SYCP2: variants seen among roughly 807,000 people sequenced by gnomAD.
SYCP2 encodes synaptonemal complex lateral element protein.
SYCP2 carries 55 observed loss-of-function variants against 211.3 expected under a neutral mutation model. That is an observed-to-expected ratio of 0.26 (90% confidence interval 0.21 to 0.33). SYCP2 has a LOEUF of 0.33. Ranked by LOEUF, SYCP2 falls within the 10% of genes least tolerant of loss-of-function variation. SYCP2 has a pLI of 1.00. For missense variants in SYCP2, 1,731 were observed against 1,752.0 expected (o/e 0.99, Z 0.21); for synonymous variants, 570 against 555.2 (o/e 1.03, Z -0.37).
intron 6 of SYCP2, 95 bp from the exon 7 acceptor site, chr20:59,919,277 GATTAC>G (rs1216310058): frequency 1.4e-6 from 1 of 728,484 alleles, no homozygotes; most frequent in Non-Finnish European, 2.3e-6. Context: ...TGAAATGACA[GATTAC>G]ATTTTAACTC....
chr20:59,868,979 C>T (rs2059401139), intron 36 of SYCP2, 54 bp from the exon 37 acceptor site: 2 of 1,303,598 alleles, frequency 1.5e-6, no homozygotes, highest in South Asian at 1.3e-5. Context: ...TTTCAATTCA[C>T]ATTTTATCAC....
At chr20:59,912,625 T>G (rs1003917709) in intron 12 of SYCP2, among the ~76,000 whole-genome samples, 1 of 152,218 alleles carries the variant, frequency 6.6e-6, no homozygotes. Flanking sequence ...TTGACAATAC[T>G]ACTCAATCTA....
At position 59,921,331 on chromosome 20, in the gene SYCP2, C is replaced by A; in HGVS notation, c.147G>T (p.Lys49Asn). Residue 49 changes from lysine to asparagine, a missense_variant, in exon 4 of 45, where the codon AAG (lysine) becomes AAT (asparagine). By Grantham distance (94) the Lys-to-Asn change is moderately conservative. This residue lies in a region of SYCP2 where 335 missense variants were observed against 378.8 expected (regional missense o/e 0.88). Transcript: ENST00000357552. ...KIKCSKQFFH[K>N]VDNLICRELN... ...TTACCCTGCATATAAGGTTGTCCAC[C>A]TTGTGGAAAAACTGTTTGCTGCATT... is the stretch of plus-strand genomic sequence containing the variant. 1 of 1,605,012 alleles carries A rather than the reference C, an allele frequency of 6.2e-7. No homozygotes were observed. The highest frequency in any genetic ancestry group is 8.5e-7 in the Non-Finnish European group (1 of 1,175,042).
At chr20:59,906,656 G>A (rs180744586) in intron 15 of SYCP2, among the ~76,000 whole-genome samples, 89 of 151,952 alleles carry the variant, frequency 5.9e-4, no homozygotes, top group African/African-American at 2.0e-3. Flanking sequence ...TTTGGGTCAC[G>A]GAAAGCAATA....
intron 19 of SYCP2, 51 bp from the exon 20 acceptor site, chr20:59,895,648 T>C (rs912022071): frequency 6.3e-7 from 1 of 1,586,972 alleles, no homozygotes; most frequent in Non-Finnish European, 8.6e-7. Context: ...CCTATTGCTA[T>C]TATTGAGGTA....
intron 39 of SYCP2, 43 bp from the exon 40 acceptor site, chr20:59,866,632 A>C (rs370294323): frequency 1.5e-6 from 2 of 1,345,722 alleles, no homozygotes; most frequent in Non-Finnish European, 2.1e-6. Context: ...TTTACAAAAT[A>C]ACACTCTAAC....
At position 59,866,349 on chromosome 20, in the gene SYCP2, G is replaced by A. The variant is rs1198087060; in HGVS notation, c.4264C>T (p.Leu1422=). 5 of 1,594,820 alleles carry A rather than the reference G, an allele frequency of 3.1e-6. No individual in the cohort carries two copies. Among genetic ancestry groups the A allele is most frequent in the South Asian group, 1.2e-5 (1 of 86,522 alleles). Residue 1422 remains leucine, a synonymous_variant, in exon 41 of 45, where the codon CTG becomes TTG. Coordinates refer to ENST00000357552, the MANE Select transcript of SYCP2 (RefSeq NM_014258.4). Reference sequence around the variant, plus strand: ...TGTGAATCTTTTTCAAAATTCTCCAGCTCCTCTATGATAATGAATTGGAAT... The same window carrying A: ...TGTGAATCTTTTTCAAAATTCTCCAACTCCTCTATGATAATGAATTGGAAT... The part of the protein sequence containing the change: ...DKFQFIIIEE[L]ENFEKDSQSL...
chr20:59,881,305 A>C, intron 29 of SYCP2, 132 bp downstream of exon 29: 1 of 617,390 alleles, frequency 1.6e-6, no homozygotes, highest in South Asian at 2.1e-5. Flanking sequence ...GAAGTAACAG[A>C]ATCATAATGA....
chr20:59,908,687 T>C (rs2060258410), intron 14 of SYCP2, among the ~76,000 whole-genome samples: 1 of 152,162 alleles, frequency 6.6e-6, no homozygotes, highest in Non-Finnish European at 1.5e-5. Context: ...ATCATAGTAT[T>C]ATAAACCCAA....
chr20:59,928,275 TATAA>T (rs1027331812), intron 2 of SYCP2, among the ~76,000 whole-genome samples: 9 of 152,320 alleles, frequency 5.9e-5, no homozygotes, highest in Non-Finnish European at 1.2e-4. Flanking sequence ...CATTTTTTAA[TATAA>T]ATAACTAAAA....
intron 26 of SYCP2, among the ~76,000 whole-genome samples, chr20:59,885,705 ATAT>A (rs962361798): frequency 3.9e-5 from 6 of 152,178 alleles, no homozygotes; most frequent in African/African-American, 1.4e-4. Context: ...AAAAGTAAAA[ATAT>A]TATGCTCATA....
At chr20:59,871,869 A>AT (rs1222810110) in intron 35 of SYCP2, among the ~76,000 whole-genome samples, 1 of 152,046 alleles carries the variant, frequency 6.6e-6, no homozygotes, top group Non-Finnish European at 1.5e-5. Flanking sequence ...TTAAAAATAT[A>AT]TATTGTTGTC....
intron 1 of SYCP2, among the ~76,000 whole-genome samples, chr20:59,932,825 G>T (rs1258342908): frequency 6.6e-6 from 1 of 152,154 alleles, no homozygotes; most frequent in Non-Finnish European, 1.5e-5. Flanking sequence ...GGAGGGGCTG[G>T]CGGCCTCAAC....
intron 18 of SYCP2, among the ~76,000 whole-genome samples, chr20:59,897,269 T>C (rs1171521937): frequency 1.3e-5 from 2 of 152,098 alleles, no homozygotes; most frequent in Non-Finnish European, 2.9e-5. Context: ...TGGGTATGTA[T>C]ATGAAACGTG....
rs144557833 is a variant in SYCP2 at position 59,912,808 on chromosome 20, C to T, written c.831-390G>A. On this transcript the variant is annotated intron_variant, in intron 12 of 44. Coordinates refer to ENST00000357552, the MANE Select transcript of SYCP2 (RefSeq NM_014258.4). ...GGCAGTTTCTCCCACACTGTTCTTG[C>T]GGTAGTGAGTAACTCTCACGAGATC... 8.5e-5 allele frequency among the ~76,000 whole-genome samples: 13 copies of T among 152,252 alleles called. No homozygotes were observed. The East Asian group carries it at 2.5e-3, about 29-fold the overall frequency.
chr20:59,886,703 A>T lies in SYCP2; in HGVS notation c.2492+4T>A, dbSNP rs753483840. On this transcript the variant is annotated splice_donor_region_variant and intron_variant, in intron 25 of 44. Transcript: ENST00000357552. Reference sequence around the variant, plus strand: ...ATATTCATGTCTGAAATTTAAGAACATACCTGTTAATCAAAGACTCCTTTA... The same window carrying T: ...ATATTCATGTCTGAAATTTAAGAACTTACCTGTTAATCAAAGACTCCTTTA... 6.5e-7 allele frequency: 1 copy of T among 1,544,302 alleles called. No individual in the cohort carries two copies. Among genetic ancestry groups the T allele is most frequent in the Non-Finnish European group, 8.7e-7 (1 of 1,148,964 alleles).
intron 21 of SYCP2, 129 bp downstream of exon 21, chr20:59,893,393 GCA>G: frequency 1.3e-6 from 1 of 797,272 alleles, no homozygotes; most frequent in Non-Finnish European, 2.0e-6. Flanking sequence ...AAAATTCCTT[GCA>G]CAAAGTCAAA....
intron 1 of SYCP2, 110 bp downstream of exon 1, chr20:59,933,459 C>G (rs2060812355): frequency 6.6e-6 from 1 of 152,124 alleles, no homozygotes; most frequent in Non-Finnish European, 1.5e-5. Context: ...GGCTCCGCCT[C>G]AACCGTCGGA....
In SYCP2 at chr20:59,866,666, A is replaced by G. The variant is rs1022617644; in HGVS notation, c.4126-77T>C. Reference sequence around the variant, plus strand: ...ACCAAGACTACAGTAACAGCAAATAATTTTCCACGAAATGTAAATTACTAA... The same window carrying G: ...ACCAAGACTACAGTAACAGCAAATAGTTTTCCACGAAATGTAAATTACTAA... On this transcript the variant is annotated intron_variant, in intron 39 of 44. Coordinates refer to ENST00000357552, the MANE Select transcript of SYCP2 (RefSeq NM_014258.4). 2.5e-5 allele frequency: 24 copies of G among 941,992 alleles called. No individual in the cohort carries two copies. The African/African-American group carries it at 3.9e-4, about 15-fold the overall frequency. The allele number at this position is 941,992 out of a possible 1,614,324, so 58.4% of individuals were successfully genotyped here.
Sources: gnomAD v4.1 joint callset for allele counts (sites outside exome capture counted in the v4.1 genomes callset) on GRCh38, gnomAD v4.1.1 for gene constraint, gnomAD v4.1.1 regional missense constraint, MANE v1.5 for transcripts, NCBI Gene and HGNC (gene_info 2026-07-23, HGNC 2026-07-21) for gene names.